RPGRIP1: variants seen among roughly 807,000 people sequenced by gnomAD.
RPGRIP1 encodes RPGR interacting protein 1.
In RPGRIP1, 128 loss-of-function variants were observed where a neutral mutation model predicts 157.9. The observed-to-expected ratio is 0.81, with a 90% confidence interval of 0.70 to 0.94. RPGRIP1 has a LOEUF of 0.94. Ranked by LOEUF, RPGRIP1 falls within the 40% of genes least tolerant of loss-of-function variation. The probability of loss-of-function intolerance (pLI) is 0.00; values close to 1 mark genes in which losing one functional copy is unlikely to be tolerated. For synonymous variants in RPGRIP1, 554 were observed against 571.6 expected (o/e 0.97, Z 0.44); for missense variants, 1,486 against 1,545.8 (o/e 0.96, Z 0.65).
At chr14:21,334,030 C>A (rs1884073645) in intron 20 of RPGRIP1, among the ~76,000 whole-genome samples, 1 of 150,910 alleles carries the variant, frequency 6.6e-6, no homozygotes, top group South Asian at 2.1e-4. Context: ...TCAAGCAACT[C>A]TCCTGCCTCA....
rs969179556 is a variant in RPGRIP1, at chr14:21,286,419, G to A, written c.-38-1520G>A. 3.3e-4 allele frequency among the ~76,000 whole-genome samples: 50 copies of A among 150,068 alleles called. 1 individual carries two copies. Among genetic ancestry groups the A allele is most frequent in the African/African-American group, 1.2e-3 (46 of 39,670 alleles). ...CTAGGGAAAGACTGGGAAAAGATGA[G>A]ACTGGTAAGATAAATCAAAATTCCT... On this transcript the variant is annotated intron_variant, in intron 1 of 24. Transcript: ENST00000400017.
rs762643742 is a variant in RPGRIP1 at position 21,300,923 on chromosome 14, A to T, written c.219-43A>T. 13 of 1,594,888 alleles carry T rather than the reference A, an allele frequency of 8.2e-6. No individual in the cohort carries two copies. The African/African-American group carries it at 1.5e-4, about 18-fold the overall frequency. ...GTCCCAAATAACCCGTAGAAATAAT[A>T]ACTGTCATGAAAGGAGAAGCCACGT... On this transcript the variant is annotated intron_variant, in intron 3 of 24. Transcript: ENST00000400017.
intron 1 of RPGRIP1, among the ~76,000 whole-genome samples, chr14:21,283,314 AT>A (rs1033504172): frequency 6.6e-6 from 1 of 151,852 alleles, no homozygotes; most frequent in Non-Finnish European, 1.5e-5. Flanking sequence ...TATTATTATT[AT>A]TTTTTGAGAA....
intron 24 of RPGRIP1, among the ~76,000 whole-genome samples, chr14:21,349,390 AATTT>A (rs1432307277): frequency 8.5e-6 from 1 of 117,942 alleles, no homozygotes; most frequent in Non-Finnish European, 1.7e-5. Context: ...TAATTACTAT[AATTT>A]CTTTCTTTTT....
intron 3 of RPGRIP1, among the ~76,000 whole-genome samples, chr14:21,296,566 G>T (rs1880790815): frequency 6.6e-6 from 1 of 151,766 alleles, no homozygotes; most frequent in South Asian, 2.1e-4. Context: ...GGCCAGGCTG[G>T]TCTCAAACTC....
At chr14:21,306,411 G>A (rs1014248154) in intron 6 of RPGRIP1, among the ~76,000 whole-genome samples, 1 of 151,418 alleles carries the variant, frequency 6.6e-6, no homozygotes. Context: ...GGGATTACAG[G>A]CGTGAGCCCC....
At chr14:21,331,228 A>G (rs1032276087) in intron 20 of RPGRIP1, among the ~76,000 whole-genome samples, 1 of 151,314 alleles carries the variant, frequency 6.6e-6, no homozygotes, top group Non-Finnish European at 1.5e-5. Flanking sequence ...TTTTCTCATT[A>G]AAACTGTTTG....
chr14:21,293,864 G>GCGAGACTC (rs1360671118), intron 2 of RPGRIP1, among the ~76,000 whole-genome samples: 3 of 151,386 alleles, frequency 2.0e-5, no homozygotes, highest in African/African-American at 7.3e-5. Context: ...GGGCGAGAGT[G>GCGAGACTC]CGAGACTCCG....
chr14:21,280,297 G>A (rs574113679), intron 1 of RPGRIP1, among the ~76,000 whole-genome samples, 138 bp downstream of exon 1: 1 of 139,844 alleles, frequency 7.2e-6, no homozygotes, highest in African/African-American at 2.7e-5. Flanking sequence ...AGGCTGGAGT[G>A]CACCGGCACT....
chr14:21,323,548 ATAGTTCTTTG>A (rs1882734514), intron 14 of RPGRIP1, among the ~76,000 whole-genome samples: 1 of 151,888 alleles, frequency 6.6e-6, no homozygotes, highest in Non-Finnish European at 1.5e-5. Flanking sequence ...GCTTTAGCTA[ATAGTTCTTTG>A]ATCACTGGTA....
At position 21,303,397 on chromosome 14, in the gene RPGRIP1, A is replaced by G. The variant is rs755671651; in HGVS notation, c.654A>G (p.Leu218=). 2.1e-5 allele frequency: 34 copies of G among 1,613,744 alleles called. No individual in the cohort carries two copies. In the Middle Eastern group the frequency reaches 9.9e-4, roughly 47 times the overall value. ...TAAGTATGGCTAAACCCATTGGTCT[A>G]TGCATGCCTAACAGTGCCCACATCA... is the stretch of plus-strand genomic sequence containing the variant. ...SVISMAKPIG[L]CMPNSAHIMA... Residue 218 remains leucine (L), a synonymous_variant, in exon 6 of 25, where the codon CTA becomes CTG. Transcript: ENST00000400017.
chr14:21,301,560 C>T (rs1050867889), intron 4 of RPGRIP1, among the ~76,000 whole-genome samples: 5 of 151,800 alleles, frequency 3.3e-5, no homozygotes, highest in African/African-American at 1.2e-4. Flanking sequence ...ACCTGTAGTC[C>T]CAGTTATTCG....
chr14:21,350,804 A>G (rs1886184825), intron 24 of RPGRIP1, among the ~76,000 whole-genome samples: 1 of 152,148 alleles, frequency 6.6e-6, no homozygotes, highest in Admixed American at 6.5e-5. Context: ...CCTGACCTCC[A>G]TGCCATTTGT....
chr14:21,312,706 T>G (rs1462586857), intron 10 of RPGRIP1, among the ~76,000 whole-genome samples, 200 bp downstream of exon 10: 3 of 151,448 alleles, frequency 2.0e-5, no homozygotes, highest in East Asian at 3.9e-4. Flanking sequence ...TTTTTTTTTT[T>G]GAGATGGAGT....
chr14:21,336,863 T>C (rs1884416132), intron 21 of RPGRIP1, among the ~76,000 whole-genome samples: 2 of 152,192 alleles, frequency 1.3e-5, no homozygotes, highest in Non-Finnish European at 2.9e-5. Context: ...TTAAAAACAT[T>C]ACCTAAATTA....
chr14:21,281,581 T>TG (rs1182947498), intron 1 of RPGRIP1, among the ~76,000 whole-genome samples: 6 of 150,476 alleles, frequency 4.0e-5, no homozygotes, highest in African/African-American at 1.5e-4. Context: ...TGCAGCTGCC[T>TG]GGGGGGCTGA....
In RPGRIP1 at chr14:21,343,017, T is replaced by C. The variant is rs751366396; in HGVS notation, c.3340-19T>C. The C allele has an allele frequency of 2.1e-5, 33 of 1,601,540 alleles. No individual in the cohort carries two copies. Among genetic ancestry groups the C allele is most frequent in the African/African-American group, 6.7e-5 (5 of 74,422 alleles). ...GCCTCACTAACCTTTAGGAACTAAA[T>C]AAACATTTTCCTTATCAGGATTCAG... On this transcript the variant is annotated intron_variant, in intron 21 of 24. Transcript: ENST00000400017.
rs1880362245 is a variant in RPGRIP1 at position 21,288,040 on chromosome 14, C to T, written c.64C>T (p.Leu22=). ...LPVRDIDAIP[L]VLPASKGKNM... ...AGTTAGAGACATAGATGCTATACCTCTGGTGCTACCAGCCTCAAAAGGTAA... is the reference window on the plus strand; with the variant it reads ...AGTTAGAGACATAGATGCTATACCTTTGGTGCTACCAGCCTCAAAAGGTAA... The change falls in exon 2 of 25, where the codon CTG becomes TTG. Residue 22 remains leucine (L), a synonymous_variant. Transcript: ENST00000400017. 1.2e-6 allele frequency: 2 copies of T among 1,612,402 alleles called. No individual in the cohort carries two copies. Among genetic ancestry groups the T allele is most frequent in the Non-Finnish European group, 1.7e-6 (2 of 1,178,480 alleles).
At chr14:21,345,250 A>G in intron 23 of RPGRIP1, 53 bp downstream of exon 23, 2 of 1,388,218 alleles carry the variant, frequency 1.4e-6, no homozygotes, top group East Asian at 2.3e-5. Flanking sequence ...ACAGAAATTC[A>G]AAAGTTTGAG....
Sources: gnomAD v4.1 joint callset for allele counts (sites outside exome capture counted in the v4.1 genomes callset) on GRCh38, gnomAD v4.1.1 for gene constraint, MANE v1.5 for transcripts, NCBI Gene and HGNC (gene_info 2026-07-23, HGNC 2026-07-21) for gene names.